SPARC: variants seen among roughly 807,000 people sequenced by gnomAD.
SPARC encodes the protein secreted protein acidic and cysteine rich, also known as basement-membrane protein 40.
SPARC carries 23 observed loss-of-function variants against 37.7 expected under a neutral mutation model. That is an observed-to-expected ratio of 0.61 (90% CI 0.44 to 0.87). SPARC has a LOEUF of 0.87. SPARC is among the 40% of genes least tolerant of loss of function. The pLI, the probability that SPARC is intolerant of heterozygous loss-of-function variation, is 0.00. For missense variants in SPARC, 312 were observed against 389.0 expected, an observed-to-expected ratio of 0.80 and a Z score of 1.66; for synonymous variants, 155 against 150.8, an observed-to-expected ratio of 1.03 and a Z score of -0.20.
intron 9 of SPARC, 145 bp downstream of exon 9, chr5:151,663,942 A>G: frequency 1.1e-6 from 1 of 927,160 alleles, no homozygotes. Flanking sequence ...AAGAGACAGG[A>G]GTCAAATAGG....
intron 4 of SPARC, among the ~76,000 whole-genome samples, chr5:151,672,327 G>A (rs1343807150): frequency 2.0e-5 from 3 of 152,194 alleles, no homozygotes; most frequent in Admixed American, 2.0e-4. Context: ...GCTTAATGTG[G>A]CCTTTTCCTC....
chr5:151,678,501 T>G (rs546677932), intron 1 of SPARC, among the ~76,000 whole-genome samples: 7 of 152,314 alleles, frequency 4.6e-5, no homozygotes, highest in Non-Finnish European at 8.8e-5. Flanking sequence ...CACATAACAC[T>G]GTCTCCTAGA....
At position 151,666,389 on chromosome 5, in the gene SPARC, C is replaced by T. The variant is rs201856432; in HGVS notation, c.706G>A (p.Gly236Ser). The change falls in exon 8 of 10, where the codon GGC becomes AGC. Residue 236 changes from glycine to serine, a missense_variant. Coordinates refer to ENST00000231061, the MANE Select transcript of SPARC (RefSeq NM_003118.4). ...TCAATGGGGTGCTGGTCCAGCTGGC[C>T]GAACTGCCAGTGTACAGGGAAGATG... ...MYIFPVHWQF[G>S]QLDQHPIDGY... 2.7e-5 allele frequency: 44 copies of T among 1,613,902 alleles called. No individual in the cohort carries two copies. Among genetic ancestry groups the T allele is most frequent in the Admixed American group, 1.7e-4 (10 of 59,992 alleles).
intron 8 of SPARC, among the ~76,000 whole-genome samples, chr5:151,665,848 C>T (rs1437927148): frequency 2.0e-5 from 3 of 152,252 alleles, no homozygotes; most frequent in South Asian, 2.1e-4. Context: ...GGCCTCATAA[C>T]TCGTTTGGAC....
At position 151,664,090 on chromosome 5, in the gene SPARC, G is replaced by A. The variant is rs775926860; in HGVS notation, c.880C>T (p.Gln294Ter). The A allele has an allele frequency of 1.2e-6, 2 of 1,614,182 alleles. No homozygotes were observed. The highest frequency in any genetic ancestry group is 8.5e-7 in the Non-Finnish European group (1 of 1,180,042). The change falls in exon 9 of 10, where the codon CAG becomes TAG. Residue 294 changes from glutamine to a stop codon, truncating the protein, a stop_gained. Transcript: ENST00000231061. LOFTEE classifies it high-confidence loss of function. ...DEWAGCFGIK[Q>*]KDIDKDLVI is the part of the protein sequence containing the mutation. Reference sequence around the variant, plus strand: ...GCTTCTTTGTTCAGACACTCACTCTGCTTGATGCCGAAGCAGCCGGCCCAC... The same window carrying A: ...GCTTCTTTGTTCAGACACTCACTCTACTTGATGCCGAAGCAGCCGGCCCAC...
At position 151,663,547 on chromosome 5, in the gene SPARC, T is replaced by G; in HGVS notation, c.*24A>C. 1 of 1,610,826 alleles carries G rather than the reference T, an allele frequency of 6.2e-7. No homozygotes were observed. Among genetic ancestry groups the G allele is most frequent in the Non-Finnish European group, 8.5e-7 (1 of 1,177,094 alleles). On this transcript the variant is annotated 3_prime_UTR_variant, in exon 10 of 10. Coordinates refer to ENST00000231061, the MANE Select transcript of SPARC (RefSeq NM_003118.4). ...ACGAAGGGGAGGGTTAAAGAGAGAA[T>G]CCGGTACTGTGGAAGGAGTGGATTT...
intron 3 of SPARC, 31 bp from the exon 4 acceptor site, chr5:151,673,247 G>A (rs1051439058): frequency 1.4e-6 from 2 of 1,459,892 alleles, no homozygotes; most frequent in South Asian, 2.3e-5. Flanking sequence ...TGGGTGAAAT[G>A]GCCCCACTCC....
At chr5:151,663,713 T>A in intron 9 of SPARC, 114 bp from the exon 10 acceptor site, 1 of 1,004,786 alleles carries the variant, frequency 1.0e-6, no homozygotes, top group Non-Finnish European at 1.6e-6. Context: ...TAGGTGGCCA[T>A]GCAAGGTCAC....
intron 1 of SPARC, among the ~76,000 whole-genome samples, chr5:151,678,556 T>C (rs1487737676): frequency 2.0e-5 from 3 of 151,986 alleles, no homozygotes; most frequent in Non-Finnish European, 4.4e-5. Context: ...CATGGAAGGG[T>C]TCTTAGTCCC....
chr5:151,674,810 T>C (rs1760822613), intron 2 of SPARC, 136 bp from the exon 3 acceptor site: 4 of 744,028 alleles, frequency 5.4e-6, no homozygotes, highest in Admixed American at 4.6e-5. Flanking sequence ...TTGTGCCTCA[T>C]GGACTGCCAT....
Position 151,666,415 on chromosome 5 carries a change from T to C in SPARC, c.680A>G (p.Tyr227Cys), listed in dbSNP as rs372378064. 4 of 1,614,206 alleles carry C rather than the reference T, an allele frequency of 2.5e-6. No homozygotes were observed. Among genetic ancestry groups the C allele is most frequent in the Non-Finnish European group, 3.4e-6 (4 of 1,180,026 alleles). ...ARDFEKNYNM[Y>C]IFPVHWQFGQ... The stretch of plus-strand genomic sequence containing the variant: ...GAACTGCCAGTGTACAGGGAAGATG[T>C]ACATGTTATAGTTCTTCTCGAAGTC... The change falls in exon 8 of 10, where the codon TAC becomes TGC. Residue 227 changes from tyrosine to cysteine, a missense_variant. Physicochemically the swap from Tyr to Cys is radical, Grantham distance 194. Transcript: ENST00000231061.
chr5:151,676,959 T>C, intron 1 of SPARC: 1 of 152,224 alleles, frequency 6.6e-6, no homozygotes, highest in East Asian at 1.9e-4. Flanking sequence ...GAGACAGCAC[T>C]TCTTTAGGTC....
chr5:151,679,976 C>T (rs988344715), intron 1 of SPARC, among the ~76,000 whole-genome samples: 3 of 152,148 alleles, frequency 2.0e-5, no homozygotes, highest in Non-Finnish European at 4.4e-5. Context: ...AACAGGACTT[C>T]CCAAGATGAT....
chr5:151,684,217 T>G (rs1485554220), intron 1 of SPARC, among the ~76,000 whole-genome samples: 1 of 152,146 alleles, frequency 6.6e-6, no homozygotes, highest in African/African-American at 2.4e-5. Flanking sequence ...GGGGGTGCAG[T>G]AAGGCGGTGT....
chr5:151,671,709 G>A lies in SPARC; in HGVS notation c.209-15C>T. ...CTGGCAGGGATCTGTAGGGCAGAAAGACAAGGGAGTTAGCATCACCTGGAC... is the reference window on the plus strand; with the variant it reads ...CTGGCAGGGATCTGTAGGGCAGAAAAACAAGGGAGTTAGCATCACCTGGAC... On this transcript the variant is annotated splice_polypyrimidine_tract_variant and intron_variant, in intron 4 of 9. Coordinates refer to ENST00000231061, the MANE Select transcript of SPARC (RefSeq NM_003118.4). The A allele has an allele frequency of 6.2e-7, 1 of 1,613,614 alleles. No individual in the cohort carries two copies. Among genetic ancestry groups the A allele is most frequent in the South Asian group, 1.1e-5 (1 of 91,050 alleles).
At chr5:151,667,642 G>A (rs1414829787) in intron 6 of SPARC, 42 bp from the exon 7 acceptor site, 1 of 1,604,722 alleles carries the variant, frequency 6.2e-7, no homozygotes, top group South Asian at 1.1e-5. Flanking sequence ...GACCCTGCCT[G>A]GGCCGTGCTC....
At chr5:151,667,768 G>A (rs1354605814) in intron 6 of SPARC, 168 bp from the exon 7 acceptor site, 1 of 711,224 alleles carries the variant, frequency 1.4e-6, no homozygotes, top group East Asian at 2.8e-5. Context: ...GAGATTATGT[G>A]TGGGAAGAAT....
At chr5:151,681,447 A>C (rs1230462974) in intron 1 of SPARC, among the ~76,000 whole-genome samples, 2 of 152,234 alleles carry the variant, frequency 1.3e-5, no homozygotes, top group Non-Finnish European at 2.9e-5. Context: ...TGTCTGTATA[A>C]GGTCAGTGCT....
At chr5:151,683,994 TCTA>T (rs2113123251) in intron 1 of SPARC, among the ~76,000 whole-genome samples, 1 of 152,342 alleles carries the variant, frequency 6.6e-6, no homozygotes, top group East Asian at 1.9e-4. Flanking sequence ...AGCCAAATAT[TCTA>T]CTGTTTACCT....
Sources: gnomAD v4.1 joint callset for allele counts (sites outside exome capture counted in the v4.1 genomes callset) on GRCh38, gnomAD v4.1.1 for gene constraint, MANE v1.5 for transcripts, NCBI Gene and HGNC (gene_info 2026-07-23, HGNC 2026-07-21) for gene names.